Variants in NELL2 observed in about 807,000 individuals in gnomAD.
The protein encoded by NELL2 is protein kinase C-binding protein NELL2.
In NELL2, 41 loss-of-function variants were observed where a neutral mutation model predicts 109.6. The observed-to-expected ratio is 0.37, with a 90% CI of 0.29 to 0.49. The LOEUF (loss-of-function observed/expected upper bound fraction) is 0.49. Ranked by LOEUF, NELL2 falls within the 20% of genes least tolerant of loss-of-function variation. NELL2 has a pLI of 0.98. For missense variants in NELL2, 900 were observed against 1,008.3 expected (o/e 0.89, Z 1.45); for synonymous variants, 355 against 344.7 (o/e 1.03, Z -0.33).
chr12:44,637,428 T>A lies in NELL2; in HGVS notation c.1445-26458A>T, dbSNP rs540286289. Among the ~76,000 whole-genome samples, 3 of 147,612 alleles carry A rather than the reference T, an allele frequency of 2.0e-5. No individual in the cohort carries two copies. In the South Asian group the frequency reaches 6.6e-4, roughly 33 times the overall value. ...TCACCTTTTCCTACACTGTGGAGCT[T>A]AAAGTAATGAGGAAAACAGGAAATA... is the stretch of plus-strand genomic sequence containing the variant. On this transcript the variant is annotated intron_variant, in intron 13 of 19. Transcript: ENST00000429094.
chr12:44,796,631 G>T (rs754601649), intron 3 of NELL2, among the ~76,000 whole-genome samples: 1 of 152,008 alleles, frequency 6.6e-6, no homozygotes, highest in Non-Finnish European at 1.5e-5. Context: ...ATTAGGTTTA[G>T]CTGTTTCAAA....
At chr12:44,528,289 G>C (rs1289539442) in intron 16 of NELL2, among the ~76,000 whole-genome samples, 1 of 151,210 alleles carries the variant, frequency 6.6e-6, no homozygotes, top group African/African-American at 2.4e-5. Context: ...GGGTTTCCTT[G>C]AAAGGCCTTT....
intron 1 of NELL2, among the ~76,000 whole-genome samples, chr12:44,906,470 C>T (rs1203838646): frequency 6.6e-6 from 1 of 152,050 alleles, no homozygotes; most frequent in Admixed American, 6.6e-5. Context: ...TAGAAAGTTA[C>T]TGCAATAATC....
At chr12:44,586,839 C>T (rs1944526111) in intron 15 of NELL2, among the ~76,000 whole-genome samples, 1 of 152,200 alleles carries the variant, frequency 6.6e-6, no homozygotes, top group Admixed American at 6.5e-5. Flanking sequence ...CAATTTTCTT[C>T]ATCACGTTTC....
chr12:44,691,824 A>G (rs888765018), intron 12 of NELL2, among the ~76,000 whole-genome samples: 1 of 152,186 alleles, frequency 6.6e-6, no homozygotes, highest in African/African-American at 2.4e-5. Context: ...ACCCTCTTCA[A>G]TTCTAGAAGG....
At chr12:44,881,571 T>A (rs1282352656) in intron 1 of NELL2, among the ~76,000 whole-genome samples, 1 of 151,962 alleles carries the variant, frequency 6.6e-6, no homozygotes, top group Non-Finnish European at 1.5e-5. Flanking sequence ...CGAAGACAGA[T>A]CAATTAAAAT....
intron 9 of NELL2, among the ~76,000 whole-genome samples, chr12:44,744,180 C>T (rs565532133): frequency 3.9e-4 from 59 of 152,300 alleles, no homozygotes; most frequent in Middle Eastern, 3.4e-3. Context: ...GGAAACTGAA[C>T]AACCTGCTCT....
intron 2 of NELL2, among the ~76,000 whole-genome samples, chr12:44,828,107 A>G (rs1943774020): frequency 6.6e-6 from 1 of 152,062 alleles, no homozygotes; most frequent in Non-Finnish European, 1.5e-5. Flanking sequence ...CATTTGTATG[A>G]CTTCTTCTGA....
chr12:44,603,904 T>TG (rs1945306115), intron 15 of NELL2, among the ~76,000 whole-genome samples: 1 of 152,156 alleles, frequency 6.6e-6, no homozygotes, highest in Non-Finnish European at 1.5e-5. Flanking sequence ...GATTCCACTG[T>TG]GATGGCTCAG....
At chr12:44,654,907 G>T (rs1054217810) in intron 13 of NELL2, among the ~76,000 whole-genome samples, 1 of 152,264 alleles carries the variant, frequency 6.6e-6, no homozygotes, top group East Asian at 1.9e-4. Flanking sequence ...CACAAGGAAG[G>T]TCAAATTTCA....
intron 2 of NELL2, among the ~76,000 whole-genome samples, chr12:44,848,675 G>T (rs563178393): frequency 6.6e-6 from 1 of 152,308 alleles, no homozygotes; most frequent in South Asian, 2.1e-4. Flanking sequence ...AAAAGAGAGA[G>T]AGAGAGAGAG....
intron 3 of NELL2, 55 bp downstream of exon 3, chr12:44,815,931 T>C (rs2136684719): frequency 6.5e-7 from 1 of 1,547,460 alleles, no homozygotes; most frequent in Non-Finnish European, 8.7e-7. Flanking sequence ...CTCTTTAATA[T>C]ATTCATTTAA....
At chr12:44,733,494 G>A (rs1939477889) in intron 9 of NELL2, among the ~76,000 whole-genome samples, 1 of 151,808 alleles carries the variant, frequency 6.6e-6, no homozygotes, top group Admixed American at 6.6e-5. Flanking sequence ...TTAACATGAG[G>A]TATGCAAAGG....
At chr12:44,509,032 A>T (rs1189319723) in intron 19 of NELL2, 48 bp from the exon 20 acceptor site, 3 of 1,479,930 alleles carry the variant, frequency 2.0e-6, no homozygotes, top group African/African-American at 1.4e-5. Context: ...TTTTTAAGCC[A>T]TTAGTAAATG....
chr12:44,604,963 G>A (rs1207347549), intron 15 of NELL2, among the ~76,000 whole-genome samples: 5 of 152,126 alleles, frequency 3.3e-5, no homozygotes, highest in Non-Finnish European at 7.4e-5. Flanking sequence ...GGACAAGAGG[G>A]AAATTGCTCC....
chr12:44,734,005 T>C (rs1192599751), intron 9 of NELL2, among the ~76,000 whole-genome samples: 1 of 152,024 alleles, frequency 6.6e-6, no homozygotes, highest in Non-Finnish European at 1.5e-5. Flanking sequence ...ATGGTCTAAA[T>C]ATGTTTATTA....
intron 15 of NELL2, among the ~76,000 whole-genome samples, chr12:44,598,981 G>T (rs1048154432): frequency 6.6e-6 from 1 of 152,020 alleles, no homozygotes; most frequent in Admixed American, 6.6e-5. Flanking sequence ...ACCTATGCTT[G>T]AGTGGGGAGA....
chr12:44,558,094 C>T (rs903785382), intron 15 of NELL2, among the ~76,000 whole-genome samples: 10 of 151,936 alleles, frequency 6.6e-5, no homozygotes, highest in African/African-American at 1.7e-4. Context: ...GAGAGGGCTA[C>T]GTTGGTATTT....
rs529298150 is a variant in NELL2, at chr12:44,744,100, C to A, written c.995-29359G>T. Among the ~76,000 whole-genome samples, 141 of 152,282 alleles carry A rather than the reference C, an allele frequency of 9.3e-4. 1 individual carries two copies. The highest frequency in any genetic ancestry group is 1.8e-3 in the Admixed American group (28 of 15,298). ...AGGAATAGAAATTATAACAAACTGT[C>A]TCTCAGACCACAGTGCAATCAAACT... is the stretch of plus-strand genomic sequence containing the variant. On this transcript the variant is annotated intron_variant, in intron 9 of 19. Transcript: ENST00000429094.
Sources: gnomAD v4.1 joint callset for allele counts (sites outside exome capture counted in the v4.1 genomes callset) on GRCh38, gnomAD v4.1.1 for gene constraint, MANE v1.5 for transcripts, NCBI Gene and HGNC (gene_info 2026-07-23, HGNC 2026-07-21) for gene names.